MBNL2: variants seen among roughly 807,000 people sequenced by gnomAD.
MBNL2 encodes muscleblind-like protein 2.
A neutral mutation model predicts 41.9 loss-of-function variants in MBNL2; 17 were observed. The ratio of observed to expected loss-of-function variants is 0.41; its 90% CI spans 0.28 to 0.61. The LOEUF is 0.61. Among genes scored for constraint, MBNL2 ranks in the 20% least tolerant of loss-of-function variants. The pLI is 0.35. For synonymous variants in MBNL2, 195 were observed against 182.9 expected, an observed-to-expected ratio of 1.07 and a Z score of -0.53; for missense variants, 336 against 505.6, an observed-to-expected ratio of 0.66 and a Z score of 3.22.
intron 2 of MBNL2, among the ~76,000 whole-genome samples, chr13:97,329,629 G>GA (rs1282417494): frequency 0.039 from 8 of 204 alleles, no homozygotes; most frequent in Admixed American, 0.062. Flanking sequence ...ACACACACTA[G>GA]ACACACAACA....
chr13:97,154,978 C>A, the MBNL2 span, among the ~76,000 whole-genome samples: 1 of 152,044 alleles, frequency 6.6e-6, no homozygotes, highest in African/African-American at 2.4e-5. Context: ...ATTAAAAAAC[C>A]TTTTGGACAG....
At chr13:97,203,427 C>T in the MBNL2 span, among the ~76,000 whole-genome samples, 1 of 152,332 alleles carries the variant, frequency 6.6e-6, no homozygotes, top group Non-Finnish European at 1.5e-5. Context: ...CCCCATCCCA[C>T]ATTGCTACTA....
chr13:97,165,509 G>T, the MBNL2 span, among the ~76,000 whole-genome samples: 1 of 152,160 alleles, frequency 6.6e-6, no homozygotes, highest in African/African-American at 2.4e-5. Context: ...AAGGGAGAGT[G>T]AATCAAAATT....
chr13:97,171,062 T>A, the MBNL2 span, among the ~76,000 whole-genome samples: 1 of 152,190 alleles, frequency 6.6e-6, no homozygotes, highest in Middle Eastern at 3.2e-3. Context: ...AGTTGTACAG[T>A]GGAAGTACTG....
At chr13:97,279,165 A>T (rs1182551777) in intron 2 of MBNL2, among the ~76,000 whole-genome samples, 2 of 152,238 alleles carry the variant, frequency 1.3e-5, no homozygotes, top group South Asian at 2.1e-4. Flanking sequence ...TTTTAAAAAG[A>T]CAATGTTGCT....
chr13:97,236,578 A>C (rs921850477), intron 1 of MBNL2, among the ~76,000 whole-genome samples: 1 of 147,800 alleles, frequency 6.8e-6, no homozygotes, highest in African/African-American at 2.5e-5. Context: ...ACTTTGTATT[A>C]TAAGATAAAG....
chr13:97,357,797 T>C (rs2063110108), intron 7 of MBNL2, 162 bp downstream of exon 7: 1 of 754,594 alleles, frequency 1.3e-6, no homozygotes, highest in Non-Finnish European at 2.3e-6. Flanking sequence ...TTACTTTGAA[T>C]GATAGCTAAA....
chr13:97,343,475 A>T (rs1006575597), intron 4 of MBNL2, among the ~76,000 whole-genome samples: 1 of 152,168 alleles, frequency 6.6e-6, no homozygotes, highest in Non-Finnish European at 1.5e-5. Flanking sequence ...GAAAAATATT[A>T]AACAATCAAT....
intron 1 of MBNL2, among the ~76,000 whole-genome samples, chr13:97,232,890 T>TGTGTGCGCGC (rs1491513676): frequency 7.4e-6 from 1 of 134,464 alleles, no homozygotes. Flanking sequence ...TGTGTGTGTG[T>TGTGTGCGCGC]GCGCACGTAC....
At chr13:97,178,829 C>T in the MBNL2 span, among the ~76,000 whole-genome samples, 11 of 152,114 alleles carry the variant, frequency 7.2e-5, no homozygotes, top group Non-Finnish European at 1.3e-4. Flanking sequence ...CCCAGGAGGT[C>T]GAGGCTGCAG....
intron 1 of MBNL2, among the ~76,000 whole-genome samples, chr13:97,232,851 ATGTGTGTGTGTGTGTGTGTG>A (rs34769353): frequency 7.7e-6 from 1 of 130,490 alleles, no homozygotes; most frequent in Admixed American, 7.6e-5. Flanking sequence ...TCTTGACGCT[ATGTGTGTGTGTGTGTGTGTG>A]TGTGTGTGTG....
At chr13:97,337,614 C>T (rs968720481) in intron 3 of MBNL2, among the ~76,000 whole-genome samples, 4 of 152,170 alleles carry the variant, frequency 2.6e-5, no homozygotes, top group Admixed American at 2.0e-4. Context: ...GCCCCAGGCT[C>T]ACATATCCAC....
At chr13:97,333,987 G>GGAAA in intron 2 of MBNL2, among the ~76,000 whole-genome samples, 1 of 121,186 alleles carries the variant, frequency 8.3e-6, no homozygotes, top group Non-Finnish European at 1.7e-5. Flanking sequence ...AGGGAGGGAG[G>GGAAA]GAAAGAAAGA....
rs398070410 is a variant in MBNL2 at position 97,291,917 on chromosome 13, A to AAAAAAAT, written c.174+15508_174+15509insAAAAAAT. The stretch of plus-strand genomic sequence containing the variant: ...CTCCGTCTCAAAAAAAAAAAAAAAA[A>AAAAAAAT]GTGGGCTGGGTGCGGTGGCTCACGC... On this transcript the variant is annotated intron_variant, in intron 2 of 8. Transcript: ENST00000679496. Among the ~76,000 whole-genome samples, 51 of 125,426 alleles carry AAAAAAAT rather than the reference A, an allele frequency of 4.1e-4. 1 individual carries two copies. Among genetic ancestry groups the AAAAAAAT allele is most frequent in the African/African-American group, 1.5e-3 (50 of 32,564 alleles). 82.3% of individuals were successfully genotyped at this position (125,426 alleles called of 152,430 possible).
the MBNL2 span, among the ~76,000 whole-genome samples, chr13:97,206,200 C>T: frequency 6.6e-6 from 1 of 152,112 alleles, no homozygotes; most frequent in Non-Finnish European, 1.5e-5. Context: ...CTGTCTGAAT[C>T]GTGATTTCTA....
intron 1 of MBNL2, among the ~76,000 whole-genome samples, chr13:97,223,565 C>G (rs961916737): frequency 6.6e-6 from 1 of 152,168 alleles, no homozygotes; most frequent in East Asian, 1.9e-4. Flanking sequence ...TCTGACTTGC[C>G]TAACCACCAC....
intron 2 of MBNL2, among the ~76,000 whole-genome samples, chr13:97,318,750 C>T (rs1182485101): frequency 5.3e-5 from 8 of 152,314 alleles, no homozygotes. Context: ...CCACAGTTTA[C>T]AGGCAGGTCC....
the MBNL2 span, among the ~76,000 whole-genome samples, chr13:97,191,007 T>TAA: frequency 6.8e-6 from 1 of 146,422 alleles, no homozygotes; most frequent in African/African-American, 2.5e-5. Context: ...CAAATGAAAC[T>TAA]AAAAAAAAAA....
chr13:97,240,072 G>A (rs1484318034), intron 1 of MBNL2, among the ~76,000 whole-genome samples: 2 of 152,218 alleles, frequency 1.3e-5, no homozygotes, highest in Non-Finnish European at 2.9e-5. Flanking sequence ...TGGGAAGCTT[G>A]TTAGAAGGAC....
Sources: gnomAD v4.1 joint callset for allele counts (sites outside exome capture counted in the v4.1 genomes callset) on GRCh38, gnomAD v4.1.1 for gene constraint, MANE v1.5 for transcripts, NCBI Gene and HGNC (gene_info 2026-07-23, HGNC 2026-07-21) for gene names.